The following DNAH11 variants were observed in gnomAD, a reference collection of about 807,000 sequenced individuals.
DNAH11 encodes axonemal beta dynein heavy chain 11.
DNAH11 carries 442 observed loss-of-function variants against 526.0 expected under a neutral mutation model. That is an observed-to-expected ratio of 0.84 (90% confidence interval 0.78 to 0.91). The LOEUF is 0.91. Ranked by LOEUF, DNAH11 falls within the 40% of genes least tolerant of loss-of-function variation. The probability of loss-of-function intolerance (pLI) is 0.00; values close to 1 mark genes in which losing one functional copy is unlikely to be tolerated. For synonymous variants in DNAH11, 2,461 were observed against 1,935.9 expected (o/e 1.27, Z -7.12); for missense variants, 6,989 against 5,448.7 (o/e 1.28, Z -8.90).
chr7:21,547,896 A>G (rs1203953430), intron 2 of DNAH11, among the ~76,000 whole-genome samples: 1 of 152,166 alleles, frequency 6.6e-6, no homozygotes, highest in Non-Finnish European at 1.5e-5. Context: ...AGCAACTTTA[A>G]TTTGGTCTCT....
chr7:21,827,482 A>G (rs1258631367), intron 65 of DNAH11, among the ~76,000 whole-genome samples: 1 of 151,658 alleles, frequency 6.6e-6, no homozygotes, highest in Admixed American at 6.6e-5. Context: ...CTTTACTGCA[A>G]TATGTATTTC....
chr7:21,733,478 C>G (rs979994510), intron 45 of DNAH11, among the ~76,000 whole-genome samples: 1 of 150,384 alleles, frequency 6.6e-6, no homozygotes, highest in Admixed American at 6.6e-5. Context: ...GCTTTTTGTT[C>G]AGTCTGCCTA....
chr7:21,823,943 A>G (rs1790163246), intron 65 of DNAH11, among the ~76,000 whole-genome samples: 1 of 152,176 alleles, frequency 6.6e-6, no homozygotes, highest in Non-Finnish European at 1.5e-5. Context: ...TCTTTTGATG[A>G]TGTACAAAGC....
At position 21,711,723 on chromosome 7, in the gene DNAH11, C is replaced by A. The variant is rs182414611; in HGVS notation, c.6846C>A (p.Leu2282=). ...TVMDDNKVLT[L]ASNERIALTP... is the part of the protein sequence containing the mutation. ...GCTGCTCACTCCAGGTGCTGACCCT[C>A]GCCAGCAATGAGCGCATTGCACTCA... The change falls in exon 42 of 82, where the codon CTC becomes CTA. Residue 2282 remains leucine, a synonymous_variant. Transcript: ENST00000409508. 9.1e-4 allele frequency: 1,464 copies of A among 1,613,566 alleles called. 13 individuals are homozygous for A. Among genetic ancestry groups the A allele is most frequent in the Non-Finnish European group, 1.1e-4 (127 of 1,179,654 alleles).
At chr7:21,603,155 A>G (rs1376198217) in intron 18 of DNAH11, among the ~76,000 whole-genome samples, 1 of 152,170 alleles carries the variant, frequency 6.6e-6, no homozygotes, top group African/African-American at 2.4e-5. Context: ...GAATCATACA[A>G]TATGTGACCT....
chr7:21,566,403 A>G (rs962464724), intron 6 of DNAH11, among the ~76,000 whole-genome samples: 5 of 152,220 alleles, frequency 3.3e-5, no homozygotes, highest in African/African-American at 9.6e-5. Context: ...AAAGTTAACA[A>G]TTAGCCAATG....
chr7:21,752,298 A>G (rs1786448927), intron 54 of DNAH11, among the ~76,000 whole-genome samples: 1 of 152,206 alleles, frequency 6.6e-6, no homozygotes, highest in Non-Finnish European at 1.5e-5. Context: ...AAATTTTTAG[A>G]TGCTCTTCTT....
At chr7:21,644,386 C>G (rs13224502) in intron 28 of DNAH11, among the ~76,000 whole-genome samples, 58,246 of 151,952 alleles carry the variant, frequency 0.38, 12,957 homozygotes, top group Non-Finnish European at 0.51. Context: ...AAAACCTTCA[C>G]TGACAGGAGG....
At chr7:21,885,658 C>T (rs141173689) in intron 76 of DNAH11, among the ~76,000 whole-genome samples, 115 of 152,158 alleles carry the variant, frequency 7.6e-4, no homozygotes, top group African/African-American at 2.7e-3. Flanking sequence ...GATGATGGGC[C>T]TGCTGATTGC....
At chr7:21,776,615 C>G (rs1787681306) in intron 56 of DNAH11, among the ~76,000 whole-genome samples, 1 of 152,190 alleles carries the variant, frequency 6.6e-6, no homozygotes, top group African/African-American at 2.4e-5. Context: ...GTCCTAGTGA[C>G]CTTTCTTCAT....
At chr7:21,678,176 T>A (rs879324748) in intron 30 of DNAH11, among the ~76,000 whole-genome samples, 3 of 152,084 alleles carry the variant, frequency 2.0e-5, no homozygotes, top group Non-Finnish European at 2.9e-5. Context: ...TTCCCACTTT[T>A]TTTTTTTTAA....
chr7:21,714,892 A>G (rs1784593665), intron 42 of DNAH11, among the ~76,000 whole-genome samples: 1 of 152,206 alleles, frequency 6.6e-6, no homozygotes, highest in African/African-American at 2.4e-5. Flanking sequence ...ATACTTCTAG[A>G]TGACTCTTGG....
intron 7 of DNAH11, chr7:21,570,514 C>G (rs1230471556): frequency 7.0e-6 from 3 of 431,198 alleles, no homozygotes; most frequent in African/African-American, 4.1e-5. Context: ...ATTTTTGATT[C>G]CATTATTACA....
chr7:21,720,655 G>T (rs935614168), intron 43 of DNAH11, 70 bp from the exon 44 acceptor site: 5 of 1,463,268 alleles, frequency 3.4e-6, no homozygotes, highest in Admixed American at 2.4e-5. Flanking sequence ...AAGTGGAGTT[G>T]TAAAAATATT....
At position 21,600,767 on chromosome 7, in the gene DNAH11, G is replaced by C. The variant is rs1385242394; in HGVS notation, c.3092G>C (p.Arg1031Thr). 5.0e-6 allele frequency: 8 copies of C among 1,613,864 alleles called. No individual in the cohort carries two copies. Among genetic ancestry groups the C allele is most frequent in the Non-Finnish European group, 5.9e-6 (7 of 1,179,836 alleles). ...GTCATCAACAAAGTCTTAGATTTCA[G>C]AAACACCCTGGAGACCCACACTTAC... ...VNVINKVLDFRNTLETHTYLW... is the reference protein window; with the variant it reads ...VNVINKVLDFTNTLETHTYLW... Residue 1031 changes from arginine to threonine, a missense_variant, in exon 16 of 82, where the codon AGA (arginine) becomes ACA (threonine). Arg to Thr is a moderately conservative substitution (Grantham distance 71). Coordinates refer to ENST00000409508, the MANE Select transcript of DNAH11 (RefSeq NM_001277115.2).
At chr7:21,655,379 T>C (rs1781969610) in intron 28 of DNAH11, among the ~76,000 whole-genome samples, 1 of 152,192 alleles carries the variant, frequency 6.6e-6, no homozygotes, top group Non-Finnish European at 1.5e-5. Flanking sequence ...CAAGTGCGTG[T>C]TAACAGATAA....
chr7:21,709,630 C>G (rs1784388627), intron 40 of DNAH11, among the ~76,000 whole-genome samples: 1 of 152,192 alleles, frequency 6.6e-6, no homozygotes, highest in Non-Finnish European at 1.5e-5. Flanking sequence ...CTTCATCATT[C>G]TCTATCCTCT....
In DNAH11 at chr7:21,900,451, A is replaced by G. The variant is rs759450918; in HGVS notation, c.13303+331A>G. ...TTCAAAATCTTTCTTCTATTGTTTA[A>G]AAACTGTCAGTAAATTTGCTCTAAT... On this transcript the variant is annotated intron_variant, in intron 81 of 81. Transcript: ENST00000409508. 5.7e-4 allele frequency among the ~76,000 whole-genome samples: 59 copies of G among 102,846 alleles called. 1 individual carries two copies. The highest frequency in any genetic ancestry group is 1.4e-3 in the Non-Finnish European group (55 of 40,106). 67.5% of individuals were successfully genotyped at this position (102,846 alleles called of 152,430 possible).
At chr7:21,675,730 T>C (rs950879916) in intron 30 of DNAH11, among the ~76,000 whole-genome samples, 1 of 152,192 alleles carries the variant, frequency 6.6e-6, no homozygotes, top group Non-Finnish European at 1.5e-5. Flanking sequence ...TGCTGGCCGC[T>C]ATGCTAAGCA....
Sources: allele counts gnomAD v4.1 joint callset (sites outside exome capture counted in the v4.1 genomes callset), GRCh38; gene constraint gnomAD v4.1.1; transcripts MANE v1.5; gene names NCBI Gene and HGNC (gene_info 2026-07-23, HGNC 2026-07-21).